Variants in GPC5 observed in about 807,000 individuals in gnomAD.
GPC5 encodes glypican 5, also known as glypican-5.
In GPC5, 47 loss-of-function variants were observed where a neutral mutation model predicts 53.9. The ratio of observed to expected loss-of-function variants is 0.87; its 90% CI spans 0.69 to 1.11. The LOEUF is 1.11. GPC5 is among the 50% of genes most tolerant of loss of function. GPC5 has a pLI of 0.00. For synonymous variants in GPC5, 286 were observed against 263.3 expected, an observed-to-expected ratio of 1.09 and a Z score of -0.84; for missense variants, 748 against 713.1, an observed-to-expected ratio of 1.05 and a Z score of -0.56.
intron 6 of GPC5, among the ~76,000 whole-genome samples, chr13:92,128,260 C>T (rs909673521): frequency 2.1e-4 from 32 of 152,124 alleles, no homozygotes; most frequent in African/African-American, 7.7e-4. Flanking sequence ...AATTACTCTC[C>T]CAGCACCTTT....
intron 7 of GPC5, among the ~76,000 whole-genome samples, chr13:92,385,751 ACG>A (rs1491219901): frequency 7.7e-5 from 10 of 129,408 alleles, no homozygotes; most frequent in African/African-American, 2.7e-4. Context: ...GTATATATAC[ACG>A]TGTATATATA....
rs565818263 is a variant in GPC5, at chr13:91,580,600, G to T, written c.326-112587G>T. ...TCATAAGCAGGTTTTTAAATTGTTT[G>T]CAGAGAATGTAACTGTTTGACATAG... On this transcript the variant is annotated intron_variant, in intron 2 of 7. Transcript: ENST00000377067. Among the ~76,000 whole-genome samples, 83 of 151,994 alleles carry T rather than the reference G, an allele frequency of 5.5e-4. 2 individuals are homozygous for T. Among genetic ancestry groups the T allele is most frequent in the Non-Finnish European group, 3.7e-4 (25 of 68,024 alleles).
rs541411940 is a variant in GPC5, at chr13:92,573,552, A to G, written c.1562-292730A>G. Among the ~76,000 whole-genome samples, 4 of 152,156 alleles carry G rather than the reference A, an allele frequency of 2.6e-5. 1 individual carries two copies. The South Asian group carries it at 8.3e-4, about 32-fold the overall frequency. On this transcript the variant is annotated intron_variant, in intron 7 of 7. Transcript: ENST00000377067. Reference sequence around the variant, plus strand: ...ATTCTTCAATATTTACTCTGTGCTAATGAATGGGATGGATTCCTTTCTCCC... The same window carrying G: ...ATTCTTCAATATTTACTCTGTGCTAGTGAATGGGATGGATTCCTTTCTCCC...
chr13:92,508,491 T>C (rs915604238), intron 7 of GPC5, among the ~76,000 whole-genome samples: 1 of 152,184 alleles, frequency 6.6e-6, no homozygotes, highest in Non-Finnish European at 1.5e-5. Flanking sequence ...TTTTGTACAA[T>C]CTGATATTCT....
chr13:91,463,594 G>A (rs1319297170), intron 2 of GPC5, among the ~76,000 whole-genome samples: 2 of 152,002 alleles, frequency 1.3e-5, no homozygotes, highest in Admixed American at 6.6e-5. Context: ...ATTGACGAAG[G>A]GATAGACACG....
intron 7 of GPC5, among the ~76,000 whole-genome samples, chr13:92,850,658 T>C (rs1454251764): frequency 1.3e-5 from 2 of 151,690 alleles, no homozygotes; most frequent in Non-Finnish European, 2.9e-5. Flanking sequence ...GGTAGAGAGG[T>C]TAAAGAAGAA....
chr13:92,071,701 C>A (rs1158622199), intron 6 of GPC5, among the ~76,000 whole-genome samples: 1 of 151,610 alleles, frequency 6.6e-6, no homozygotes, highest in Non-Finnish European at 1.5e-5. Context: ...ATTTATCCTT[C>A]CAGATAAAAT....
chr13:91,424,649 G>A (rs1187837619), intron 1 of GPC5, among the ~76,000 whole-genome samples: 2 of 152,298 alleles, frequency 1.3e-5, no homozygotes, highest in East Asian at 3.9e-4. Context: ...TTACAGGCAT[G>A]AGCCACCGTG....
At chr13:92,066,440 A>C (rs933147112) in intron 6 of GPC5, among the ~76,000 whole-genome samples, 31 of 151,438 alleles carry the variant, frequency 2.0e-4, no homozygotes, top group African/African-American at 7.6e-4. Context: ...CCTGAAAAAA[A>C]AAAAAAGAAA....
In GPC5 at chr13:91,968,019, T is replaced by G. The variant is rs186570117; in HGVS notation, c.1401+59962T>G. Among the ~76,000 whole-genome samples the G allele has an allele frequency of 3.1e-3, 474 of 152,250 alleles. 3 individuals carry two copies. The highest frequency in any genetic ancestry group is 0.011 in the African/African-American group (451 of 41,582). On this transcript the variant is annotated intron_variant, in intron 6 of 7. Coordinates refer to ENST00000377067, the MANE Select transcript of GPC5 (RefSeq NM_004466.6). ...TATTCTTTGGGACCATTATACTTTT[T>G]ATAATTCATTTGAATGAATTATCCC...
chr13:92,684,568 C>T (rs537270050), intron 7 of GPC5, among the ~76,000 whole-genome samples: 2 of 152,232 alleles, frequency 1.3e-5, no homozygotes, highest in Admixed American at 6.5e-5. Flanking sequence ...CACACCCAGC[C>T]GGCTCTCTTT....
intron 7 of GPC5, among the ~76,000 whole-genome samples, chr13:92,462,720 T>C (rs1346022413): frequency 6.8e-6 from 1 of 147,232 alleles, no homozygotes. Context: ...GTTCATGTCT[T>C]TTTTTTTTTT....
chr13:92,698,406 AAC>A, intron 7 of GPC5, among the ~76,000 whole-genome samples: 1 of 152,076 alleles, frequency 6.6e-6, no homozygotes, highest in South Asian at 2.1e-4. Flanking sequence ...TATGAGTGAG[AAC>A]ATGCAGTGTT....
At chr13:91,694,959 G>A (rs1335438884) in intron 3 of GPC5, among the ~76,000 whole-genome samples, 1 of 152,160 alleles carries the variant, frequency 6.6e-6, no homozygotes, top group African/African-American at 2.4e-5. Flanking sequence ...ATTAATGACT[G>A]ATAGAATCTG....
intron 7 of GPC5, among the ~76,000 whole-genome samples, chr13:92,453,719 A>G (rs945048757): frequency 6.6e-6 from 1 of 152,158 alleles, no homozygotes; most frequent in Non-Finnish European, 1.5e-5. Flanking sequence ...ATTTGAGGGA[A>G]ATGGAAGCAT....
At position 92,116,398 on chromosome 13, in the gene GPC5, T is replaced by A. The variant is rs112006859; in HGVS notation, c.1402-28432T>A. Among the ~76,000 whole-genome samples, 521 of 152,330 alleles carry A rather than the reference T, an allele frequency of 3.4e-3. 3 individuals are homozygous for A. Among genetic ancestry groups the A allele is most frequent in the African/African-American group, 0.012 (496 of 41,572 alleles). On this transcript the variant is annotated intron_variant, in intron 6 of 7. Coordinates refer to ENST00000377067, the MANE Select transcript of GPC5 (RefSeq NM_004466.6). Reference sequence around the variant, plus strand: ...AACCAACTCTGCCAACACCTTGATCTTGAACTTCTAGCCTCCAGAGAAAAT... The same window carrying A: ...AACCAACTCTGCCAACACCTTGATCATGAACTTCTAGCCTCCAGAGAAAAT...
intron 7 of GPC5, among the ~76,000 whole-genome samples, chr13:92,795,596 T>C (rs1325392747): frequency 6.6e-6 from 1 of 152,118 alleles, no homozygotes; most frequent in Non-Finnish European, 1.5e-5. Flanking sequence ...ACAGGCAACC[T>C]ACAGAATGGG....
intron 7 of GPC5, among the ~76,000 whole-genome samples, chr13:92,516,421 A>G (rs1298230425): frequency 1.3e-5 from 2 of 152,196 alleles, no homozygotes; most frequent in South Asian, 2.1e-4. Context: ...CACTTGATAT[A>G]TTATGGGGAT....
At chr13:91,878,211 T>C (rs1437903199) in intron 5 of GPC5, among the ~76,000 whole-genome samples, 1 of 152,202 alleles carries the variant, frequency 6.6e-6, no homozygotes, top group East Asian at 1.9e-4. Flanking sequence ...ATATGAGTTT[T>C]CCACAGGTAA....
Sources: gnomAD v4.1 joint callset for allele counts (sites outside exome capture counted in the v4.1 genomes callset) on GRCh38, gnomAD v4.1.1 for gene constraint, MANE v1.5 for transcripts, NCBI Gene and HGNC (gene_info 2026-07-23, HGNC 2026-07-21) for gene names.